The following YIPF7 variants were observed in gnomAD, a reference collection of about 807,000 sequenced individuals.
YIPF7 encodes the protein Yip1 domain family member 7.
YIPF7 carries 35 observed loss-of-function variants against 27.2 expected under a neutral mutation model. The observed-to-expected ratio is 1.29, with a 90% CI of 0.98 to 1.70. The LOEUF (loss-of-function observed/expected upper bound fraction) is 1.70. Among genes scored for constraint, YIPF7 ranks in the 40% most tolerant of loss-of-function variants. The probability of loss-of-function intolerance (pLI) is 0.00; values close to 1 mark genes in which losing one functional copy is unlikely to be tolerated. For synonymous variants in YIPF7, 137 were observed against 110.4 expected (o/e 1.24, Z -1.51); for missense variants, 358 against 303.7 (o/e 1.18, Z -1.33).
chr4:44,644,127 C>T (rs1713439924), intron 2 of YIPF7, among the ~76,000 whole-genome samples: 1 of 152,148 alleles, frequency 6.6e-6, no homozygotes, highest in African/African-American at 2.4e-5. Context: ...CATGGTGTGC[C>T]CTGCAAAGCC....
chr4:44,656,826 T>A (rs1228440595), intron 2 of YIPF7, among the ~76,000 whole-genome samples: 1 of 152,152 alleles, frequency 6.6e-6, no homozygotes, highest in Non-Finnish European at 1.5e-5. Context: ...AGCATTCATG[T>A]CTTATTTTAC....
chr4:44,622,764 G>C (rs368791554), intron 5 of YIPF7, among the ~76,000 whole-genome samples, 188 bp from the exon 6 acceptor site: 6 of 152,122 alleles, frequency 3.9e-5, no homozygotes, highest in African/African-American at 9.7e-5. Context: ...TCATTACAGA[G>C]ACTAAATATT....
Position 44,622,434 on chromosome 4 carries a change from C to A in YIPF7, c.751G>T (p.Ala251Ser), listed in dbSNP as rs968198370. 4 of 1,612,724 alleles carry A rather than the reference C, an allele frequency of 2.5e-6. No homozygotes were observed. The highest frequency in any genetic ancestry group is 3.4e-6 in the Non-Finnish European group (4 of 1,179,438). ...ATTCTTTAGAAAATTGTTAGGAGGGCAAAAAGTCCATAAAGTATGGCACAA... is the reference window on the plus strand; with the variant it reads ...ATTCTTTAGAAAATTGTTAGGAGGGAAAAAAGTCCATAAAGTATGGCACAA... Reference protein sequence around the residue: ...YPCAILYGLFALLTIF With the variant: ...YPCAILYGLFSLLTIF The change falls in exon 6 of 6, where the codon GCC (alanine) becomes TCC (serine). Residue 251 changes from alanine to serine, a missense_variant. Transcript: ENST00000415895.
intron 2 of YIPF7, among the ~76,000 whole-genome samples, chr4:44,658,408 C>G (rs909576265): frequency 6.6e-6 from 1 of 152,172 alleles, no homozygotes; most frequent in African/African-American, 2.4e-5. Context: ...CCACTGTTGA[C>G]AAGCCACCCT....
At chr4:44,641,566 T>A (rs1217124792) in intron 2 of YIPF7, among the ~76,000 whole-genome samples, 1 of 152,216 alleles carries the variant, frequency 6.6e-6, no homozygotes, top group African/African-American at 2.4e-5. Flanking sequence ...CTGAACTTGG[T>A]AACTCCTTGT....
upstream of YIPF7, among the ~76,000 whole-genome samples, chr4:44,654,295 A>G (rs1421563136): frequency 6.6e-6 from 1 of 152,082 alleles, no homozygotes; most frequent in African/African-American, 2.4e-5. Context: ...GTCATCAATT[A>G]TTTTAACTCA....
At chr4:44,637,687 C>G (rs1404487456) in intron 2 of YIPF7, among the ~76,000 whole-genome samples, 5 of 151,936 alleles carry the variant, frequency 3.3e-5, no homozygotes, top group Non-Finnish European at 7.4e-5. Context: ...TTTGGTGTAC[C>G]CATCACCTGA....
At position 44,626,506 on chromosome 4, in the gene YIPF7, C is replaced by A. The variant is rs148571896; in HGVS notation, c.427-1724G>T. Among the ~76,000 whole-genome samples the A allele has an allele frequency of 3.1e-3, 476 of 152,182 alleles. 2 individuals are homozygous for A. Among genetic ancestry groups the A allele is most frequent in the Middle Eastern group, 0.017 (5 of 294 alleles). On this transcript the variant is annotated intron_variant, in intron 4 of 5. Transcript: ENST00000415895. Reference sequence around the variant, plus strand: ...AGGCAGTTCTACAAATGGAGTGGGGCAAATAGGGAGTAGATGAAGCTAATT... The same window carrying A: ...AGGCAGTTCTACAAATGGAGTGGGGAAAATAGGGAGTAGATGAAGCTAATT...
chr4:44,644,346 A>C (rs2109594717), intron 2 of YIPF7, among the ~76,000 whole-genome samples: 1 of 152,326 alleles, frequency 6.6e-6, no homozygotes, highest in Non-Finnish European at 1.5e-5. Flanking sequence ...ATGAGCTGAA[A>C]AAATTGCAAA....
At position 44,659,529 on chromosome 4, in the gene YIPF7, C is replaced by T. The variant is rs372571127; in HGVS notation, c.-2+920G>A. Among the ~76,000 whole-genome samples, 193 of 152,066 alleles carry T rather than the reference C, an allele frequency of 1.3e-3. 5 individuals are homozygous for T. In the South Asian group the frequency reaches 0.037, roughly 29 times the overall value. On this transcript the variant is annotated intron_variant, in intron 2 of 2. Transcript: ENST00000508947. ...GAGCAAAGAAACGACCAATTCATAACGGAAAAATCTGTGGGAAGTATTTAA... is the reference window on the plus strand; with the variant it reads ...GAGCAAAGAAACGACCAATTCATAATGGAAAAATCTGTGGGAAGTATTTAA...
At chr4:44,626,910 G>T (rs1292248009) in intron 4 of YIPF7, among the ~76,000 whole-genome samples, 1 of 150,622 alleles carries the variant, frequency 6.6e-6, no homozygotes, top group Non-Finnish European at 1.5e-5. Context: ...CGCGTAGCTG[G>T]GACTACAGGT....
intron 5 of YIPF7, among the ~76,000 whole-genome samples, chr4:44,623,498 G>A (rs893219781): frequency 6.6e-6 from 1 of 152,112 alleles, no homozygotes; most frequent in Admixed American, 6.6e-5. Flanking sequence ...CACTGAAGTT[G>A]GGAATTATGT....
At chr4:44,662,029 T>A (rs1329165315) in intron 1 of YIPF7, among the ~76,000 whole-genome samples, 2 of 152,234 alleles carry the variant, frequency 1.3e-5, no homozygotes, top group Non-Finnish European at 2.9e-5. Flanking sequence ...CTGATGAACA[T>A]GTGCTTTTCT....
At position 44,646,390 on chromosome 4, in the gene YIPF7, A is replaced by T. The variant is rs560549726; in HGVS notation, c.116+3595T>A. Among the ~76,000 whole-genome samples, 4 of 152,284 alleles carry T rather than the reference A, an allele frequency of 2.6e-5. No homozygotes were observed. The South Asian group carries it at 8.3e-4, about 32-fold the overall frequency. On this transcript the variant is annotated intron_variant, in intron 2 of 5. Coordinates refer to ENST00000415895, the MANE Select transcript of YIPF7 (RefSeq NM_182592.3). ...GTAATGCCTTAACTGTGTTTGAAATACTAGAAGATCAGGTCTGAGGATTCA... is the reference window on the plus strand; with the variant it reads ...GTAATGCCTTAACTGTGTTTGAAATTCTAGAAGATCAGGTCTGAGGATTCA...
Position 44,624,666 on chromosome 4 carries a change from G to T in YIPF7, c.543C>A (p.Ser181Arg). 6.2e-7 allele frequency: 1 copy of T among 1,605,954 alleles called. No individual in the cohort carries two copies. The highest frequency in any genetic ancestry group is 1.3e-5 in the African/African-American group (1 of 74,894). ...TGGGGAGCAGGCAGTAACCCAGCAC[G>T]CTGGCCACACAGCCGTACGACACCC... The part of the protein sequence containing the change: ...SSGVSYGCVA[S>R]VLGYCLLPMV... Residue 181 changes from serine (S) to arginine (R), a missense_variant, in exon 5 of 6, where the codon AGC (serine) becomes AGA (arginine). Physicochemically the swap from Ser to Arg is moderately radical, Grantham distance 110. Transcript: ENST00000415895.
chr4:44,650,130 G>T, intron 1 of YIPF7, 29 bp from the exon 2 acceptor site: 1 of 1,294,854 alleles, frequency 7.7e-7, no homozygotes, highest in Non-Finnish European at 1.1e-6. Context: ...TTTTTAATAA[G>T]TTCATGAGTC....
intron 3 of YIPF7, among the ~76,000 whole-genome samples, chr4:44,635,192 A>G (rs1713071241): frequency 6.6e-6 from 1 of 152,052 alleles, no homozygotes; most frequent in Admixed American, 6.6e-5. Flanking sequence ...TCCAATTTAA[A>G]TCCACTTGGG....
rs376356565 is a variant in YIPF7, at chr4:44,629,448, A to G, written c.381T>C (p.Thr127=). 9.2e-5 allele frequency: 147 copies of G among 1,603,158 alleles called. No individual in the cohort carries two copies. The highest frequency in any genetic ancestry group is 4.0e-4 in the East Asian group (18 of 44,452). ...GGGCTACGCAAAAAAGAATGGGTCC[A>G]GTGAGGTCCGTTTCATTCATAATGC... The part of the protein sequence containing the change: ...DGSIMNETDL[T]GPILFCVALG... The change falls in exon 4 of 6, where the codon ACT becomes ACC. Residue 127 remains threonine (T), a synonymous_variant. Coordinates refer to ENST00000415895, the MANE Select transcript of YIPF7 (RefSeq NM_182592.3).
rs139280301 is a variant in YIPF7 at position 44,649,903 on chromosome 4, C to A, written c.116+82G>T. The A allele has an allele frequency of 2.4e-4, 186 of 767,488 alleles. 1 individual carries two copies. The highest frequency in any genetic ancestry group is 1.5e-3 in the Middle Eastern group (4 of 2,652). The allele number at this position is 767,488 out of a possible 1,614,324, so 47.5% of individuals were successfully genotyped here. A position where few individuals can be genotyped will look rare whatever the true frequency, so the allele number is the denominator to read the frequency against. On this transcript the variant is annotated intron_variant, in intron 2 of 5. Coordinates refer to ENST00000415895, the MANE Select transcript of YIPF7 (RefSeq NM_182592.3). The stretch of plus-strand genomic sequence containing the variant: ...GACCCTTCAACTTTCATAATAACTA[C>A]AATATATTGAATTTTTACAATATGT...
Sources: allele counts gnomAD v4.1 joint callset (sites outside exome capture counted in the v4.1 genomes callset), GRCh38; gene constraint gnomAD v4.1.1; transcripts MANE v1.5; gene names NCBI Gene and HGNC (gene_info 2026-07-23, HGNC 2026-07-21).